The following CEP126 variants were observed in gnomAD, a reference collection of about 807,000 sequenced individuals.
CEP126 encodes the protein centrosomal protein 126, also known as centrosomal protein of 126 kDa.
CEP126 carries 74 observed loss-of-function variants against 107.8 expected under a neutral mutation model. That is an observed-to-expected ratio of 0.69 (90% CI 0.57 to 0.83). The LOEUF is 0.83. Ranked by LOEUF, CEP126 falls within the 40% of genes least tolerant of loss-of-function variation. The probability of loss-of-function intolerance (pLI) is 0.00; values close to 1 mark genes in which losing one functional copy is unlikely to be tolerated. For missense variants in CEP126, 1,237 were observed against 1,281.9 expected (o/e 0.96, Z 0.53); for synonymous variants, 449 against 446.0 (o/e 1.01, Z -0.08).
intron 1 of CEP126, among the ~76,000 whole-genome samples, chr11:101,917,366 C>A (rs1275485685): frequency 6.6e-6 from 1 of 152,016 alleles, no homozygotes; most frequent in Admixed American, 6.5e-5. Context: ...GAAAGGACCA[C>A]AGCCTTAAAA....
At chr11:101,974,863 C>A (rs1941174742) in intron 6 of CEP126, among the ~76,000 whole-genome samples, 1 of 152,074 alleles carries the variant, frequency 6.6e-6, no homozygotes, top group African/African-American at 2.4e-5. Flanking sequence ...TAACTGCGAT[C>A]AATAATCTAC....
chr11:101,963,488 T>C lies in CEP126; in HGVS notation c.2453T>C (p.Val818Ala). The change falls in exon 6 of 11, where the codon GTG (valine) becomes GCG (alanine). Residue 818 changes from valine (V) to alanine (A), a missense_variant. Coordinates refer to ENST00000263468, the MANE Select transcript of CEP126 (RefSeq NM_020802.4). ...SNIRSGKNIQVSQCQPVTPEN... is the reference protein window; with the variant it reads ...SNIRSGKNIQASQCQPVTPEN... ...ATTAGAAGTGGTAAAAATATACAAG[T>C]GTCTCAGTGTCAACCAGTAACTCCT... is the stretch of plus-strand genomic sequence containing the variant. The C allele has an allele frequency of 6.2e-7, 1 of 1,614,084 alleles. No individual in the cohort carries two copies. The highest frequency in any genetic ancestry group is 1.1e-5 in the South Asian group (1 of 91,056).
rs377598811 is a variant in CEP126 at position 101,932,850 on chromosome 11, C to T, written c.248+10090C>T. 2.6e-4 allele frequency among the ~76,000 whole-genome samples: 40 copies of T among 152,204 alleles called. 1 individual carries two copies. In the East Asian group the frequency reaches 5.6e-3, roughly 21 times the overall value. The stretch of plus-strand genomic sequence containing the variant: ...TACTTGGTTTTGTTAGCTTGCCTCA[C>T]TAAATAATAAATACCTGCCTGAACC... On this transcript the variant is annotated intron_variant, in intron 2 of 10. Coordinates refer to ENST00000263468, the MANE Select transcript of CEP126 (RefSeq NM_020802.4).
rs1182905777 is a variant in CEP126 at position 101,961,641 on chromosome 11, A to G, written c.706-100A>G. 3 of 627,672 alleles carry G rather than the reference A, an allele frequency of 4.8e-6. No individual in the cohort carries two copies. The African/African-American group carries it at 5.5e-5, about 12-fold the overall frequency. 38.9% of individuals were successfully genotyped at this position (627,672 alleles called of 1,614,324 possible). ...GATGTTTATAGTCATACTACTCTAT[A>G]TGCAAGGAGAATTGGGCTCAGTAAC... On this transcript the variant is annotated intron_variant, in intron 5 of 10. Transcript: ENST00000263468.
Position 101,915,139 on chromosome 11 carries a change from G to A in CEP126, c.-146G>A, listed in dbSNP as rs1940172248. ...CACCAGTGCCGCTGCGCGGGAGCTA[G>A]GGCTGTCGAGGCCAACCCTTCCGCG... On this transcript the variant is annotated 5_prime_UTR_variant, in exon 1 of 11. Coordinates refer to ENST00000263468, the MANE Select transcript of CEP126 (RefSeq NM_020802.4). 5 of 1,246,204 alleles carry A rather than the reference G, an allele frequency of 4.0e-6. No individual in the cohort carries two copies. Among genetic ancestry groups the A allele is most frequent in the Non-Finnish European group, 5.5e-6 (5 of 904,370 alleles). The allele number at this position is 1,246,204 out of a possible 1,614,324, so 77.2% of individuals were successfully genotyped here.
chr11:101,940,786 T>C (rs896717144), intron 2 of CEP126, among the ~76,000 whole-genome samples: 1 of 152,192 alleles, frequency 6.6e-6, no homozygotes, highest in African/African-American at 2.4e-5. Context: ...TCACTGAAAT[T>C]CTTAGATGGG....
chr11:101,965,752 G>A (rs945732415), intron 6 of CEP126, among the ~76,000 whole-genome samples: 1 of 152,130 alleles, frequency 6.6e-6, no homozygotes, highest in Non-Finnish European at 1.5e-5. Flanking sequence ...TAATAATGCT[G>A]AGAAATAAAT....
intron 2 of CEP126, among the ~76,000 whole-genome samples, chr11:101,942,563 G>GT (rs35795661): frequency 0.39 from 54,306 of 139,878 alleles, 10,486 homozygotes; most frequent in East Asian, 0.5. Context: ...GTTTGGGGTG[G>GT]TTTTTTTTTT....
intron 2 of CEP126, among the ~76,000 whole-genome samples, chr11:101,936,119 T>A (rs531894825): frequency 1.3e-5 from 2 of 152,256 alleles, no homozygotes; most frequent in East Asian, 1.9e-4. Context: ...TTGATAACAA[T>A]TCTAATTGCA....
At chr11:101,956,331 A>AC (rs1436727438) in intron 4 of CEP126, 2 of 453,696 alleles carry the variant, frequency 4.4e-6, no homozygotes, top group Non-Finnish European at 8.8e-6. Context: ...TTATCCAGTC[A>AC]CCCCCCTTAT....
chr11:101,987,036 T>G lies in CEP126; in HGVS notation c.3239T>G (p.Leu1080Arg). Residue 1080 changes from leucine to arginine, a missense_variant, in exon 9 of 11, where the codon CTA becomes CGA. Around this residue, in one of 3 missense-constraint regions of CEP126, gnomAD observed 99 missense variants for 114.4 expected, o/e 0.87. Coordinates refer to ENST00000263468, the MANE Select transcript of CEP126 (RefSeq NM_020802.4). ...LESLNDLSER[L>R]HYIQESICKN... The stretch of plus-strand genomic sequence containing the variant: ...TCCCTTAATGATCTCAGTGAAAGAC[T>G]ACATTGTAAGTATGGAAGAACACCT... 1 of 1,587,388 alleles carries G rather than the reference T, an allele frequency of 6.3e-7. No homozygotes were observed. The highest frequency in any genetic ancestry group is 1.7e-5 in the Admixed American group (1 of 59,868).
chr11:101,946,816 C>T (rs1272326840), intron 3 of CEP126, among the ~76,000 whole-genome samples: 2 of 151,912 alleles, frequency 1.3e-5, no homozygotes, highest in East Asian at 1.9e-4. Flanking sequence ...AAGCAGAGGT[C>T]GCACCACTGC....
chr11:101,943,033 T>G (rs960934598), intron 2 of CEP126, among the ~76,000 whole-genome samples: 1 of 152,086 alleles, frequency 6.6e-6, no homozygotes, highest in Non-Finnish European at 1.5e-5. Flanking sequence ...AAATATAAGA[T>G]TATGTCATCT....
chr11:101,950,568 A>G (rs1410544057), intron 4 of CEP126, among the ~76,000 whole-genome samples: 1 of 152,216 alleles, frequency 6.6e-6, no homozygotes, highest in Non-Finnish European at 1.5e-5. Flanking sequence ...ATACTGTATA[A>G]TGGGGGTTGT....
At chr11:101,961,690 T>C (rs1940970878) in intron 5 of CEP126, 51 bp from the exon 6 acceptor site, 1 of 1,030,494 alleles carries the variant, frequency 9.7e-7, no homozygotes, top group Non-Finnish European at 1.4e-6. Context: ...ATCGTTAATC[T>C]TGGCATTTAA....
intron 4 of CEP126, chr11:101,956,118 C>T (rs1294247114): frequency 2.2e-6 from 1 of 456,710 alleles, no homozygotes; most frequent in Non-Finnish European, 4.4e-6. Flanking sequence ...CCACCCCACG[C>T]ACCCCAGAGT....
At chr11:101,949,705 C>T (rs1484672037) in intron 4 of CEP126, among the ~76,000 whole-genome samples, 1 of 152,104 alleles carries the variant, frequency 6.6e-6, no homozygotes, top group Non-Finnish European at 1.5e-5. Flanking sequence ...GTCTGTCAGT[C>T]AGGATCCTGG....
chr11:101,973,674 A>T, intron 6 of CEP126, among the ~76,000 whole-genome samples: 1 of 152,310 alleles, frequency 6.6e-6, no homozygotes, highest in Middle Eastern at 3.4e-3. Context: ...AATTTTTTTT[A>T]AAAAGCAATA....
rs1940173152 is a variant in CEP126, at chr11:101,915,167, C to T, written c.-118C>T. 7 of 1,474,892 alleles carry T rather than the reference C, an allele frequency of 4.7e-6. No individual in the cohort carries two copies. Among genetic ancestry groups the T allele is most frequent in the East Asian group, 4.6e-5 (2 of 43,046 alleles). 91.4% of individuals were successfully genotyped at this position (1,474,892 alleles called of 1,614,324 possible). ...CTGTCGAGGCCAACCCTTCCGCGCC[C>T]GTGACGCGGGGCCTGAGAGACGGAG... On this transcript the variant is annotated 5_prime_UTR_variant, in exon 1 of 11. Transcript: ENST00000263468.
Sources: allele counts gnomAD v4.1 joint callset (sites outside exome capture counted in the v4.1 genomes callset), GRCh38; gene constraint gnomAD v4.1.1; regional missense constraint gnomAD v4.1.1; transcripts MANE v1.5; gene names NCBI Gene and HGNC (gene_info 2026-07-23, HGNC 2026-07-21).